PPP1R14C: variants seen among roughly 807,000 people sequenced by gnomAD.
PPP1R14C encodes the protein protein phosphatase 1 regulatory inhibitor subunit 14C, also known as protein phosphatase 1 regulatory subunit 14C.
PPP1R14C carries 16 observed loss-of-function variants against 20.4 expected under a neutral mutation model. That is an observed-to-expected ratio of 0.78 (90% CI 0.53 to 1.19). PPP1R14C has a LOEUF of 1.19. Ranked by LOEUF, PPP1R14C falls within the 50% of genes most tolerant of loss-of-function variation. The probability of loss-of-function intolerance (pLI) is 0.00; values close to 1 mark genes in which losing one functional copy is unlikely to be tolerated. For synonymous variants in PPP1R14C, 91 were observed against 91.0 expected, an observed-to-expected ratio of 1.00 and a Z score of 0.00; for missense variants, 211 against 220.1, an observed-to-expected ratio of 0.96 and a Z score of 0.26.
chr6:150,244,641 C>T (rs1362300726), intron 3 of PPP1R14C, among the ~76,000 whole-genome samples: 1 of 152,124 alleles, frequency 6.6e-6, no homozygotes, highest in East Asian at 1.9e-4. Flanking sequence ...ATGTGGCTAG[C>T]GTGACTAACA....
intron 1 of PPP1R14C, among the ~76,000 whole-genome samples, chr6:150,162,888 C>T (rs9322247): frequency 0.71 from 108,246 of 151,938 alleles, 38,930 homozygotes; most frequent in East Asian, 0.9. Flanking sequence ...TTAGTGGGGC[C>T]AGGAAGGGCT....
intron 1 of PPP1R14C, among the ~76,000 whole-genome samples, chr6:150,189,291 A>G (rs1777714903): frequency 6.6e-6 from 1 of 152,148 alleles, no homozygotes. Context: ...CACCAGGTGA[A>G]GGGTGATGCA....
intron 1 of PPP1R14C, among the ~76,000 whole-genome samples, chr6:150,151,057 T>C (rs991758783): frequency 1.3e-4 from 20 of 152,124 alleles, no homozygotes; most frequent in South Asian, 1.0e-3. Context: ...TGTTTTTTTT[T>C]CCTTCACTCC....
chr6:150,220,217 T>A (rs1778150074), intron 3 of PPP1R14C, among the ~76,000 whole-genome samples: 1 of 152,216 alleles, frequency 6.6e-6, no homozygotes, highest in Admixed American at 6.5e-5. Flanking sequence ...CAGATTTTTC[T>A]TCTGAATCTG....
chr6:150,209,207 G>A lies in PPP1R14C; in HGVS notation c.307-5537G>A, dbSNP rs559854372. On this transcript the variant is annotated intron_variant, in intron 1 of 3. Transcript: ENST00000361131. ...AAATGGAGACGGATGAGAGCTGTTAGCCACAGTCATTTCCAGGAAGCTGCC... is the reference window on the plus strand; with the variant it reads ...AAATGGAGACGGATGAGAGCTGTTAACCACAGTCATTTCCAGGAAGCTGCC... 3.9e-5 allele frequency among the ~76,000 whole-genome samples: 6 copies of A among 152,308 alleles called. No homozygotes were observed. In the East Asian group the frequency reaches 1.2e-3, roughly 29 times the overall value.
intron 1 of PPP1R14C, among the ~76,000 whole-genome samples, chr6:150,209,216 A>C (rs1370286705): frequency 6.6e-6 from 1 of 152,154 alleles, no homozygotes; most frequent in African/African-American, 2.4e-5. Context: ...AGCCACAGTC[A>C]TTTCCAGGAA....
intron 1 of PPP1R14C, among the ~76,000 whole-genome samples, chr6:150,178,972 A>T (rs12201610): frequency 1.3e-5 from 2 of 151,734 alleles, no homozygotes; most frequent in African/African-American, 4.8e-5. Context: ...TGCTTTCTAT[A>T]CTCTCCCTGT....
chr6:150,166,399 A>G, intron 1 of PPP1R14C, among the ~76,000 whole-genome samples: 1 of 152,108 alleles, frequency 6.6e-6, no homozygotes, highest in Non-Finnish European at 1.5e-5. Flanking sequence ...TCTTCTTGGT[A>G]ACTGCCCTCT....
intron 1 of PPP1R14C, among the ~76,000 whole-genome samples, chr6:150,157,423 G>A (rs890632018): frequency 6.6e-6 from 1 of 151,266 alleles, no homozygotes; most frequent in Non-Finnish European, 1.5e-5. Context: ...GAAACAGTTT[G>A]TCTCATTATC....
chr6:150,206,634 T>G (rs1777955007), intron 1 of PPP1R14C, among the ~76,000 whole-genome samples: 1 of 152,228 alleles, frequency 6.6e-6, no homozygotes, highest in Non-Finnish European at 1.5e-5. Context: ...ACACGGGGCA[T>G]GAGGATGGTC....
intron 3 of PPP1R14C, among the ~76,000 whole-genome samples, chr6:150,217,718 T>C (rs1778112927): frequency 6.6e-6 from 1 of 152,216 alleles, no homozygotes; most frequent in Non-Finnish European, 1.5e-5. Flanking sequence ...TATGAAAATA[T>C]TAGCAAGAGA....
At chr6:150,187,344 T>A (rs1777690011) in intron 1 of PPP1R14C, among the ~76,000 whole-genome samples, 1 of 151,616 alleles carries the variant, frequency 6.6e-6, no homozygotes, top group African/African-American at 2.4e-5. Context: ...TGAAGTTTTG[T>A]TATATATGTA....
chr6:150,204,371 G>A (rs1777916743), intron 1 of PPP1R14C, among the ~76,000 whole-genome samples: 1 of 152,170 alleles, frequency 6.6e-6, no homozygotes, highest in African/African-American at 2.4e-5. Context: ...GGGTTTTTTT[G>A]CTGACATTTT....
chr6:150,152,837 A>C (rs924223181), intron 1 of PPP1R14C, among the ~76,000 whole-genome samples: 2 of 152,136 alleles, frequency 1.3e-5, no homozygotes, highest in African/African-American at 4.8e-5. Flanking sequence ...CTATGGACTG[A>C]ATGTTTGTGT....
At chr6:150,214,062 G>C (rs746256437) in intron 1 of PPP1R14C, among the ~76,000 whole-genome samples, 16 of 152,234 alleles carry the variant, frequency 1.1e-4, no homozygotes, top group Non-Finnish European at 2.1e-4. Flanking sequence ...CCTCGGTTCA[G>C]AGGGAGTGAA....
intron 1 of PPP1R14C, among the ~76,000 whole-genome samples, chr6:150,184,956 G>A (rs1005311266): frequency 7.2e-5 from 11 of 152,330 alleles, no homozygotes; most frequent in African/African-American, 2.6e-4. Context: ...CAGTGGGATT[G>A]ACTAATTCTC....
chr6:150,221,165 A>G (rs1778162131), intron 3 of PPP1R14C, among the ~76,000 whole-genome samples: 1 of 152,250 alleles, frequency 6.6e-6, no homozygotes, highest in African/African-American at 2.4e-5. Flanking sequence ...TGTGATAATG[A>G]CAATTAATAG....
Position 150,205,609 on chromosome 6 carries a change from A to G in PPP1R14C, c.307-9135A>G, listed in dbSNP as rs368664988. ...GGAGTTTGAGACAAGTCTGGCCAACATGGTGATACCCCGTCTCTACTGAAA... is the reference window on the plus strand; with the variant it reads ...GGAGTTTGAGACAAGTCTGGCCAACGTGGTGATACCCCGTCTCTACTGAAA... On this transcript the variant is annotated intron_variant, in intron 1 of 3. Coordinates refer to ENST00000361131, the MANE Select transcript of PPP1R14C (RefSeq NM_030949.3). 3.6e-4 allele frequency among the ~76,000 whole-genome samples: 55 copies of G among 152,166 alleles called. 2 individuals are homozygous for G. Among genetic ancestry groups the G allele is most frequent in the Admixed American group, 1.4e-3 (21 of 15,276 alleles).
At chr6:150,210,441 G>T (rs1375067624) in intron 1 of PPP1R14C, among the ~76,000 whole-genome samples, 6 of 152,062 alleles carry the variant, frequency 3.9e-5, no homozygotes, top group Non-Finnish European at 8.8e-5. Flanking sequence ...TCATCTTCAA[G>T]CCCTGTTGCT....
Sources: gnomAD v4.1 joint callset for allele counts (sites outside exome capture counted in the v4.1 genomes callset) on GRCh38, gnomAD v4.1.1 for gene constraint, MANE v1.5 for transcripts, NCBI Gene and HGNC (gene_info 2026-07-23, HGNC 2026-07-21) for gene names.